NAF1: variants seen among roughly 807,000 people sequenced by gnomAD.
NAF1 encodes the protein H/ACA ribonucleoprotein complex non-core subunit NAF1.
NAF1 carries 11 observed loss-of-function variants against 40.6 expected under a neutral mutation model. That is an observed-to-expected ratio of 0.27 (90% confidence interval 0.17 to 0.45). NAF1 has a LOEUF of 0.45. Among genes scored for constraint, NAF1 ranks in the 20% least tolerant of loss-of-function variants. NAF1 has a pLI of 1.00. For synonymous variants in NAF1, 260 were observed against 228.5 expected (o/e 1.14, Z -1.24); for missense variants, 607 against 611.1 (o/e 0.99, Z 0.07).
At chr4:163,132,971 C>T (rs28615156) in intron 7 of NAF1, among the ~76,000 whole-genome samples, 183 bp downstream of exon 7, 7,642 of 152,266 alleles carry the variant, frequency 0.05, 248 homozygotes, top group African/African-American at 0.072. Context: ...CCCCAGGAAG[C>T]CATTTTTACT....
chr4:163,144,102 T>TA, intron 4 of NAF1: 1 of 824,986 alleles, frequency 1.2e-6, no homozygotes, highest in Non-Finnish European at 1.5e-6. Context: ...AAGGAATCAG[T>TA]AAAAATTTCC....
chr4:163,120,914 CG>C (rs1422637311), intron 2 of NAF1, among the ~76,000 whole-genome samples: 1 of 151,946 alleles, frequency 6.6e-6, no homozygotes, highest in African/African-American at 2.4e-5. Context: ...TTTTTTGAGA[CG>C]GAGTCTCGCT....
At position 163,166,590 on chromosome 4, in the gene NAF1, C is replaced by T. The variant is rs758757291; in HGVS notation, c.138G>A (p.Ser46=). ...GCCCAGCGTCCGGGGACCCCTCAAACGACTGTAGCGGCGGCTGTGTCCCTG... is the reference window on the plus strand; with the variant it reads ...GCCCAGCGTCCGGGGACCCCTCAAATGACTGTAGCGGCGGCTGTGTCCCTG... ...PVPGTQPPLQ[S]FEGSPDAGQT... The change falls in exon 1 of 8, where the codon TCG becomes TCA. Residue 46 remains serine, a synonymous_variant. Coordinates refer to ENST00000274054, the MANE Select transcript of NAF1 (RefSeq NM_138386.3). 6.2e-7 allele frequency: 1 copy of T among 1,611,594 alleles called. No homozygotes were observed. Among genetic ancestry groups the T allele is most frequent in the Non-Finnish European group, 8.5e-7 (1 of 1,179,426 alleles).
At chr4:163,120,519 A>C (rs1306294898) in intron 2 of NAF1, among the ~76,000 whole-genome samples, 1 of 152,224 alleles carries the variant, frequency 6.6e-6, no homozygotes, top group Non-Finnish European at 1.5e-5. Flanking sequence ...AATGGAACTA[A>C]CTGTAAGATA....
intron 2 of NAF1, among the ~76,000 whole-genome samples, chr4:163,118,292 G>C (rs1730412189): frequency 6.6e-6 from 1 of 152,142 alleles, no homozygotes; most frequent in Non-Finnish European, 1.5e-5. Context: ...TACTAGAGTA[G>C]GGACAGGTGT....
downstream of NAF1, chr4:163,109,036 A>G (rs1434023728): frequency 1.3e-5 from 2 of 152,230 alleles, no homozygotes; most frequent in South Asian, 4.1e-4. Flanking sequence ...GTATGTTGAG[A>G]GTAAATATTA....
At chr4:163,138,693 T>A (rs1200645886) in intron 5 of NAF1, among the ~76,000 whole-genome samples, 1 of 152,114 alleles carries the variant, frequency 6.6e-6, no homozygotes, top group East Asian at 1.9e-4. Context: ...AATTTCCCAA[T>A]TCACTGATTT....
chr4:163,134,604 G>A (rs1023541311), intron 6 of NAF1, among the ~76,000 whole-genome samples: 36 of 152,150 alleles, frequency 2.4e-4, no homozygotes, highest in African/African-American at 8.0e-4. Flanking sequence ...TTAATGCTAT[G>A]TTATTATAGT....
At chr4:163,126,917 T>C, downstream of NAF1, 1 of 1,492,764 alleles carries the variant, frequency 6.7e-7, no homozygotes, top group Admixed American at 2.2e-5. Context: ...GTCATTATTA[T>C]TTTTTGAACA....
chr4:163,121,577 C>G (rs1457195964), intron 2 of NAF1, among the ~76,000 whole-genome samples: 2 of 152,008 alleles, frequency 1.3e-5, no homozygotes, highest in African/African-American at 4.8e-5. Context: ...ACATTTAGAC[C>G]TCAGAGATTA....
At chr4:163,152,524 G>A (rs1471176667) in intron 2 of NAF1, among the ~76,000 whole-genome samples, 1 of 152,198 alleles carries the variant, frequency 6.6e-6, no homozygotes. Context: ...TCCAACCTAT[G>A]TACTGGAAGA....
At chr4:163,156,872 T>TATTA in intron 2 of NAF1, 1 of 152,256 alleles carries the variant, frequency 6.6e-6, no homozygotes, top group Admixed American at 6.5e-5. Flanking sequence ...GGATGTACAT[T>TATTA]ATCTGCCATT....
At chr4:163,110,133 G>A in exon 3 of NAF1, 1 of 540,416 alleles carries the variant, frequency 1.9e-6, no homozygotes, top group Non-Finnish European at 3.3e-6. Flanking sequence ...GTTGCCATGA[G>A]GTTCCCATGG....
At chr4:163,137,542 T>C (rs1362700436) in intron 5 of NAF1, among the ~76,000 whole-genome samples, 1 of 152,146 alleles carries the variant, frequency 6.6e-6, no homozygotes, top group Non-Finnish European at 1.5e-5. Flanking sequence ...TTTCATAATA[T>C]TTGCAGTTTT....
chr4:163,154,502 T>G (rs1211096031), intron 2 of NAF1, among the ~76,000 whole-genome samples: 3 of 152,200 alleles, frequency 2.0e-5, no homozygotes, highest in Admixed American at 2.0e-4. Context: ...ATATATTAAT[T>G]TTGAAAAAGG....
intron 6 of NAF1, 168 bp from the exon 7 acceptor site, chr4:163,133,424 TA>T: frequency 1.8e-6 from 1 of 545,650 alleles, no homozygotes. Context: ...GGTATAAAAA[TA>T]AAGCATTTTT....
Position 163,166,545 on chromosome 4 carries a change from A to G in NAF1, c.183T>C (p.Pro61=), listed in dbSNP as rs1439673153. Residue 61 remains proline (P), a synonymous_variant, in exon 1 of 8, where the codon CCT becomes CCC. Coordinates refer to ENST00000274054, the MANE Select transcript of NAF1 (RefSeq NM_138386.3). ...CGGGCTGCAGAGGCTGCTCCCCGGC[A>G]GGCTTAACCTCCACGGTCTGCCCAG... ...PDAGQTVEVK[P]AGEQPLQPVL... is the part of the protein sequence containing the mutation. 1.9e-6 allele frequency: 3 copies of G among 1,587,304 alleles called. No homozygotes were observed. Among genetic ancestry groups the G allele is most frequent in the African/African-American group, 1.3e-5 (1 of 74,206 alleles).
intron 2 of NAF1, among the ~76,000 whole-genome samples, chr4:163,153,801 T>C (rs1731846062): frequency 6.6e-6 from 1 of 152,160 alleles, no homozygotes; most frequent in Non-Finnish European, 1.5e-5. Context: ...CAGCCAGCAT[T>C]GGCAACCCGC....
At position 163,153,366 on chromosome 4, in the gene NAF1, A is replaced by T. The variant is rs112146724; in HGVS notation, c.541-4932T>A. 8.1e-3 allele frequency among the ~76,000 whole-genome samples: 1,240 copies of T among 152,276 alleles called. 18 individuals are homozygous for T. The highest frequency in any genetic ancestry group is 0.027 in the African/African-American group (1,136 of 41,552). On this transcript the variant is annotated intron_variant, in intron 2 of 7. Transcript: ENST00000274054. ...TCTATATCTAGCTCTGGGATTGTAA[A>T]CACGCCAATCAGCACCCTGTGTTTA...
Sources: allele counts gnomAD v4.1 joint callset (sites outside exome capture counted in the v4.1 genomes callset), GRCh38; gene constraint gnomAD v4.1.1; transcripts MANE v1.5; gene names NCBI Gene and HGNC (gene_info 2026-07-23, HGNC 2026-07-21).